RFX4: variants seen among roughly 807,000 people sequenced by gnomAD.
The protein encoded by RFX4 is regulatory factor X4.
Under a neutral mutation model 95.0 loss-of-function variants are expected in RFX4, and 10 were observed. The observed-to-expected ratio is 0.11, with a 90% confidence interval of 0.06 to 0.18. The LOEUF is 0.18. Among genes scored for constraint, RFX4 ranks in the 10% least tolerant of loss-of-function variants. The pLI is 1.00. For missense variants in RFX4, 640 were observed against 922.0 expected (o/e 0.69, Z 3.96); for synonymous variants, 321 against 340.7 (o/e 0.94, Z 0.64).
chr12:106,729,999 A>C (rs2042581182), intron 13 of RFX4, among the ~76,000 whole-genome samples: 1 of 152,312 alleles, frequency 6.6e-6, no homozygotes, highest in Non-Finnish European at 1.5e-5. Flanking sequence ...CAGACATAGT[A>C]CTGGAGATGG....
At chr12:106,647,478 A>G (rs1175966607) in intron 3 of RFX4, among the ~76,000 whole-genome samples, 26 of 152,164 alleles carry the variant, frequency 1.7e-4, no homozygotes, top group Admixed American at 1.7e-3. Flanking sequence ...TATTAATATT[A>G]ACCATGCTTT....
At chr12:106,675,519 G>A (rs916973887) in intron 4 of RFX4, among the ~76,000 whole-genome samples, 4 of 152,108 alleles carry the variant, frequency 2.6e-5, no homozygotes, top group Admixed American at 2.0e-4. Flanking sequence ...ACAAGTATGG[G>A]AGGTAATGAA....
chr12:106,601,483 C>A, intron 1 of RFX4: 1 of 834,328 alleles, frequency 1.2e-6, no homozygotes, highest in Non-Finnish European at 1.9e-6. Flanking sequence ...CTGCAATTTC[C>A]TAAAATAGGC....
chr12:106,611,805 C>G (rs992080680), intron 2 of RFX4, among the ~76,000 whole-genome samples: 2 of 152,198 alleles, frequency 1.3e-5, no homozygotes, highest in Non-Finnish European at 2.9e-5. Flanking sequence ...GCCACTGTGC[C>G]TGCTGTAGTC....
chr12:106,593,992 G>C (rs961976930), intron 1 of RFX4, among the ~76,000 whole-genome samples: 1 of 152,198 alleles, frequency 6.6e-6, no homozygotes, highest in Non-Finnish European at 1.5e-5. Flanking sequence ...CTGATAATAA[G>C]TCTAGGGTGA....
rs551785630 is a variant in RFX4 at position 106,586,165 on chromosome 12, A to G, written c.43+2802A>G. ...TTGCCGCGCGCCGCGGTGCTCCGGC[A>G]GGAGGCAAAGGCGACAGGCGCGCGC... On this transcript the variant is annotated intron_variant, in intron 1 of 17. Coordinates refer to ENST00000392842, the MANE Select transcript of RFX4 (RefSeq NM_213594.3). This position sits in a 1 kb window ranked among gnomAD's most constrained non-coding sequence, Gnocchi z 5.6. 6.6e-6 allele frequency among the ~76,000 whole-genome samples: 1 copy of G among 152,268 alleles called. No individual in the cohort carries two copies. Among genetic ancestry groups the G allele is most frequent in the South Asian group, 2.1e-4 (1 of 4,828 alleles).
At chr12:106,667,508 G>A (rs1240517539) in intron 4 of RFX4, among the ~76,000 whole-genome samples, 6 of 152,156 alleles carry the variant, frequency 3.9e-5, no homozygotes, top group Admixed American at 3.3e-4. Context: ...TCTCAATATT[G>A]TGTGGGTTCC....
At chr12:106,753,006 G>A (rs1303127616) in intron 17 of RFX4, among the ~76,000 whole-genome samples, 3 of 152,020 alleles carry the variant, frequency 2.0e-5, no homozygotes, top group Non-Finnish European at 4.4e-5. Flanking sequence ...CCTTCCTGGT[G>A]GTCTCTATGC....
chr12:106,714,970 G>A (rs535155190), intron 10 of RFX4: 107 of 154,296 alleles, frequency 6.9e-4, no homozygotes, highest in Non-Finnish European at 1.3e-3. Flanking sequence ...GTTAGGCCCA[G>A]GGGTAGCAAG....
chr12:106,674,546 G>A (rs969755448), intron 4 of RFX4, among the ~76,000 whole-genome samples: 4 of 151,748 alleles, frequency 2.6e-5, no homozygotes, highest in Admixed American at 2.6e-4. Flanking sequence ...GTCCAGGCTG[G>A]TCTTGAACTC....
At chr12:106,628,121 TCCATGCCCACA>T (rs1342944945) in intron 2 of RFX4, among the ~76,000 whole-genome samples, 4 of 152,170 alleles carry the variant, frequency 2.6e-5, no homozygotes, top group Non-Finnish European at 5.9e-5. Context: ...CTTCCTCACC[TCCATGCCCACA>T]GTGTCATCAA....
chr12:106,660,210 A>G (rs910563671), intron 4 of RFX4, among the ~76,000 whole-genome samples: 2 of 151,934 alleles, frequency 1.3e-5, no homozygotes, highest in Non-Finnish European at 2.9e-5. Flanking sequence ...CCTGTAGAGG[A>G]GATATATACA....
intron 2 of RFX4, among the ~76,000 whole-genome samples, chr12:106,617,947 G>C (rs975489138): frequency 1.3e-5 from 2 of 152,158 alleles, no homozygotes; most frequent in South Asian, 4.2e-4. Flanking sequence ...GGGTGGTCTT[G>C]AACTCCTGAC....
intron 2 of RFX4, among the ~76,000 whole-genome samples, chr12:106,630,229 T>C (rs753802819): frequency 6.6e-6 from 1 of 152,202 alleles, no homozygotes; most frequent in African/African-American, 2.4e-5. Context: ...TTTGTACTCA[T>C]GTTGTGGTTT....
chr12:106,681,848 C>T (rs1168878236), intron 4 of RFX4, 145 bp from the exon 5 acceptor site: 5 of 750,604 alleles, frequency 6.7e-6, no homozygotes, highest in Non-Finnish European at 1.1e-5. Flanking sequence ...CAGTAGTCTT[C>T]TCCAGGGTCC....
At chr12:106,689,183 TC>T (rs900056156) in intron 6 of RFX4, 103 bp from the exon 7 acceptor site, 32 of 947,434 alleles carry the variant, frequency 3.4e-5, no homozygotes, top group Middle Eastern at 4.3e-4. Flanking sequence ...GTGAATTGCA[TC>T]CCCCCCACAG....
intron 4 of RFX4, among the ~76,000 whole-genome samples, chr12:106,671,496 C>T (rs2041279933): frequency 6.6e-6 from 1 of 151,948 alleles, no homozygotes; most frequent in Non-Finnish European, 1.5e-5. Flanking sequence ...GGGCATGTGT[C>T]AGCCACAGTA....
chr12:106,627,254 C>T (rs553731929), intron 2 of RFX4, among the ~76,000 whole-genome samples: 27 of 152,102 alleles, frequency 1.8e-4, no homozygotes, highest in South Asian at 8.3e-4. Flanking sequence ...AATATCATTG[C>T]GGGCCGGACA....
chr12:106,761,128 T>A, intron 17 of RFX4, 69 bp from the exon 18 acceptor site: 1 of 1,484,814 alleles, frequency 6.7e-7, no homozygotes, highest in Non-Finnish European at 9.2e-7. Context: ...ACTATAAACA[T>A]GACTGATATT....
Sources: allele counts gnomAD v4.1 joint callset (sites outside exome capture counted in the v4.1 genomes callset), GRCh38; gene constraint gnomAD v4.1.1; non-coding constraint Gnocchi (gnomAD v3.1); transcripts MANE v1.5; gene names NCBI Gene and HGNC (gene_info 2026-07-23, HGNC 2026-07-21).